COL17A1: variants seen among roughly 807,000 people sequenced by gnomAD.
COL17A1 encodes the protein collagen type XVII alpha 1 chain.
A neutral mutation model predicts 218.4 loss-of-function variants in COL17A1; 181 were observed. The ratio of observed to expected loss-of-function variants is 0.83; its 90% CI spans 0.73 to 0.94. COL17A1 has a LOEUF of 0.94. COL17A1 is among the 40% of genes least tolerant of loss of function. The pLI, the probability that COL17A1 is intolerant of heterozygous loss-of-function variation, is 0.00. For synonymous variants in COL17A1, 721 were observed against 731.0 expected, an observed-to-expected ratio of 0.99 and a Z score of 0.22; for missense variants, 1,924 against 1,945.9, an observed-to-expected ratio of 0.99 and a Z score of 0.21.
intron 23 of COL17A1, 79 bp downstream of exon 23, chr10:104,052,952 G>A: frequency 6.6e-7 from 1 of 1,510,976 alleles, no homozygotes; most frequent in Non-Finnish European, 9.2e-7. Flanking sequence ...CAGAGACAGA[G>A]TGAAGGAGGG....
intron 45 of COL17A1, among the ~76,000 whole-genome samples, 167 bp downstream of exon 45, chr10:104,038,231 TACACACAC>T (rs59808906): frequency 0.016 from 2,259 of 142,034 alleles, 31 homozygotes; most frequent in African/African-American, 0.048. Flanking sequence ...TAGACACACA[TACACACAC>T]ACACACACAC....
chr10:104,044,771 C>T (rs1051770817), intron 33 of COL17A1, among the ~76,000 whole-genome samples: 3 of 151,966 alleles, frequency 2.0e-5, no homozygotes, highest in Non-Finnish European at 4.4e-5. Flanking sequence ...GTCACGGGCC[C>T]TCAAAAAGGG....
At chr10:104,047,394 G>A (rs932523168) in intron 31 of COL17A1, among the ~76,000 whole-genome samples, 1 of 152,084 alleles carries the variant, frequency 6.6e-6, no homozygotes, top group African/African-American at 2.4e-5. Flanking sequence ...GCAGTTTTAA[G>A]AGTGTCCTTG....
intron 29 of COL17A1, among the ~76,000 whole-genome samples, chr10:104,048,419 C>A (rs1420247630): frequency 6.6e-6 from 1 of 152,246 alleles, no homozygotes; most frequent in Non-Finnish European, 1.5e-5. Flanking sequence ...CTTGTCTCCT[C>A]TGCTCTAGGC....
chr10:104,039,919 T>A, intron 41 of COL17A1, 54 bp downstream of exon 41: 5 of 1,611,210 alleles, frequency 3.1e-6, no homozygotes, highest in Non-Finnish European at 4.2e-6. Flanking sequence ...GGAGGTGAGC[T>A]TTTGCCATCC....
At chr10:104,042,934 C>G (rs1287852022) in intron 35 of COL17A1, among the ~76,000 whole-genome samples, 1 of 152,164 alleles carries the variant, frequency 6.6e-6, no homozygotes, top group Non-Finnish European at 1.5e-5. Context: ...TTTTTTGCAT[C>G]TTGTATTAAT....
At chr10:104,071,510 G>A (rs1005684758) in intron 8 of COL17A1, among the ~76,000 whole-genome samples, 1 of 152,144 alleles carries the variant, frequency 6.6e-6, no homozygotes. Flanking sequence ...GACAGAGACT[G>A]GGGGGTCTCT....
At chr10:104,065,638 T>C (rs976332964) in intron 9 of COL17A1, among the ~76,000 whole-genome samples, 2 of 152,232 alleles carry the variant, frequency 1.3e-5, no homozygotes, top group Non-Finnish European at 2.9e-5. Context: ...TCCCCAGTAT[T>C]CTTCATTTGG....
chr10:104,075,983 C>T (rs762341816), intron 5 of COL17A1, among the ~76,000 whole-genome samples: 32 of 152,344 alleles, frequency 2.1e-4, no homozygotes, highest in Middle Eastern at 3.4e-3. Flanking sequence ...GTCTATTAGA[C>T]TACAGGTCCT....
chr10:104,045,947 C>A (rs1330786289), intron 32 of COL17A1, among the ~76,000 whole-genome samples, 154 bp from the exon 33 acceptor site: 1 of 152,212 alleles, frequency 6.6e-6, no homozygotes. Flanking sequence ...GTCTAGACAA[C>A]CCCGGGGAGC....
intron 53 of COL17A1, 31 bp from the exon 54 acceptor site, chr10:104,032,999 G>A: frequency 6.2e-7 from 1 of 1,608,716 alleles, no homozygotes; most frequent in South Asian, 1.1e-5. Context: ...TGGCCTTAGA[G>A]TCTTGATCAC....
At chr10:104,062,735 G>A (rs1258852743) in intron 11 of COL17A1, among the ~76,000 whole-genome samples, 1 of 152,182 alleles carries the variant, frequency 6.6e-6, no homozygotes. Flanking sequence ...GGTGCTGAGA[G>A]GCACTAACTT....
At chr10:104,041,026 G>A in intron 39 of COL17A1, 39 bp downstream of exon 39, 1 of 1,612,104 alleles carries the variant, frequency 6.2e-7, no homozygotes, top group Non-Finnish European at 8.5e-7. Context: ...GACAAGGGCT[G>A]AGGTGGAGAA....
chr10:104,067,334 T>TAAAAAAAAAAAAAAAAAAAAAAAAA, intron 9 of COL17A1, among the ~76,000 whole-genome samples: 1 of 110,430 alleles, frequency 9.1e-6, no homozygotes, highest in Non-Finnish European at 1.7e-5. Flanking sequence ...GGCTCAGGAA[T>TAAAAAAAAAAAAAAAAAAAAAAAAA]AAAAAAAAAA....
chr10:104,046,265 T>G (rs893483774), intron 32 of COL17A1, among the ~76,000 whole-genome samples: 3 of 152,216 alleles, frequency 2.0e-5, no homozygotes, highest in Non-Finnish European at 4.4e-5. Context: ...TTTGCCTAAT[T>G]TCTTTCAGGA....
intron 31 of COL17A1, among the ~76,000 whole-genome samples, chr10:104,047,079 T>TC: frequency 6.6e-6 from 1 of 152,208 alleles, no homozygotes; most frequent in Admixed American, 6.5e-5. Flanking sequence ...CACTCACGGA[T>TC]CCCAATGCTG....
intron 11 of COL17A1, 111 bp downstream of exon 11, chr10:104,063,636 C>T (rs1432688382): frequency 6.6e-7 from 1 of 1,506,598 alleles, no homozygotes; most frequent in East Asian, 2.4e-5. Context: ...TGTGCCTCTG[C>T]TTCTGAGCTG....
Position 104,047,554 on chromosome 10 carries a change from G to A in COL17A1, c.2335+185C>T, listed in dbSNP as rs17821676. 0.059 allele frequency among the ~76,000 whole-genome samples: 9,055 copies of A among 152,204 alleles called. 354 individuals are homozygous for A. Among genetic ancestry groups the A allele is most frequent in the Non-Finnish European group, 0.094 (6,383 of 67,986 alleles). ...CCCTGCTGAGCTGCTGGAGGAAAAC[G>A]GGATAAGGCACACATGGGTGCATTT... On this transcript the variant is annotated intron_variant, in intron 31 of 55. Transcript: ENST00000648076.
In COL17A1 at chr10:104,041,513, TG is replaced by T; in HGVS notation, c.2576del (p.Pro859GlnfsTer207). 1 of 1,613,364 alleles carries T rather than the reference TG, an allele frequency of 6.2e-7. No homozygotes were observed. Among genetic ancestry groups the T allele is most frequent in the Non-Finnish European group, 8.5e-7 (1 of 1,179,352 alleles). Reference protein sequence around the residue: ...HQEVLNLQGPPGPPGPRGPPG... With the variant: ...HQEVLNLQGPXGPPGPRGPPG... ...GTGGCCCGCGTGGGCCGGGTGGGCC[TG>T]GGGGACCTTGTAAATTAAGAACTTC... On this transcript the variant is annotated frameshift_variant, in exon 37 of 56. Transcript: ENST00000648076. LOFTEE classifies it high-confidence loss of function.
Sources: allele counts gnomAD v4.1 joint callset (sites outside exome capture counted in the v4.1 genomes callset), GRCh38; gene constraint gnomAD v4.1.1; transcripts MANE v1.5; gene names NCBI Gene and HGNC (gene_info 2026-07-23, HGNC 2026-07-21).